IKZF2: variants seen among roughly 807,000 people sequenced by gnomAD.
IKZF2 encodes the protein zinc finger protein Helios.
A neutral mutation model predicts 49.2 loss-of-function variants in IKZF2; 15 were observed. That is an observed-to-expected ratio of 0.30 (90% CI 0.20 to 0.47). IKZF2 has a LOEUF of 0.47. IKZF2 is among the 20% of genes least tolerant of loss of function. The pLI is 1.00. For missense variants in IKZF2, 567 were observed against 664.6 expected, an observed-to-expected ratio of 0.85 and a Z score of 1.61; for synonymous variants, 227 against 221.4, an observed-to-expected ratio of 1.03 and a Z score of -0.23.
chr2:213,028,150 T>C (rs551083537), intron 6 of IKZF2, among the ~76,000 whole-genome samples: 2 of 152,200 alleles, frequency 1.3e-5, no homozygotes, highest in South Asian at 4.1e-4. Flanking sequence ...ATAGAAAATA[T>C]TATCCTTTCC....
chr2:213,065,818 TA>T (rs1265080150), intron 4 of IKZF2, among the ~76,000 whole-genome samples: 1 of 152,000 alleles, frequency 6.6e-6, no homozygotes, highest in East Asian at 1.9e-4. Flanking sequence ...AAGTAGCTAG[TA>T]ATAGTAAAGA....
At chr2:213,148,437 T>G (rs1260503442) in intron 3 of IKZF2, among the ~76,000 whole-genome samples, 159 bp downstream of exon 3, 10 of 152,190 alleles carry the variant, frequency 6.6e-5, no homozygotes, top group Admixed American at 6.5e-4. Context: ...TTCACTTCAG[T>G]GCTGTCATTT....
intron 4 of IKZF2, among the ~76,000 whole-genome samples, chr2:213,088,585 C>A (rs1275358699): frequency 6.6e-6 from 1 of 151,984 alleles, no homozygotes; most frequent in Non-Finnish European, 1.5e-5. Flanking sequence ...ATGGTGAAAC[C>A]TCCTCTCTAG....
At position 213,150,182 on chromosome 2, in the gene IKZF2, A is replaced by T; in HGVS notation, c.-54T>A. On this transcript the variant is annotated 5_prime_UTR_variant, in exon 2 of 9. It removes an upstream start codon present in the reference 5' UTR. Coordinates refer to ENST00000434687, the MANE Select transcript of IKZF2 (RefSeq NM_001387220.1). ...CTTTGATTAAAAAAGATTCATCACC[A>T]TTTCCAGCTCTGTCGGGAGATCTCA... 1 of 1,303,794 alleles carries T rather than the reference A, an allele frequency of 7.7e-7. No individual in the cohort carries two copies. Among genetic ancestry groups the T allele is most frequent in the South Asian group, 1.2e-5 (1 of 80,994 alleles). The allele number at this position is 1,303,794 out of a possible 1,614,324, so 80.8% of individuals were successfully genotyped here.
At chr2:213,150,705 G>T (rs531544760) in intron 1 of IKZF2, among the ~76,000 whole-genome samples, 11 of 138,440 alleles carry the variant, frequency 7.9e-5, no homozygotes, top group East Asian at 2.3e-4. Flanking sequence ...AAAGAAAAGG[G>T]GGGGGGGGCG....
intron 5 of IKZF2, among the ~76,000 whole-genome samples, chr2:213,053,309 A>C (rs909601873): frequency 6.6e-6 from 1 of 152,178 alleles, no homozygotes. Context: ...TAAATACAAT[A>C]GAACAATCTA....
chr2:213,042,227 T>TG (rs60714885), intron 6 of IKZF2, among the ~76,000 whole-genome samples: 151,076 of 152,270 alleles, frequency 0.99, 74,956 homozygotes, highest in Middle Eastern at 1. Flanking sequence ...CTTAGCAGGG[T>TG]GTGATGAGCA....
intron 6 of IKZF2, among the ~76,000 whole-genome samples, chr2:213,049,099 T>C (rs1700438780): frequency 6.6e-6 from 1 of 152,102 alleles, no homozygotes; most frequent in Admixed American, 6.6e-5. Flanking sequence ...TATTTTTTTC[T>C]TTTATTCCCA....
rs143337769 is a variant in IKZF2 at position 213,124,240 on chromosome 2, T to TCGCG, written c.139+23464_139+23467dup. On this transcript the variant is annotated intron_variant, in intron 4 of 8. Coordinates refer to ENST00000434687, the MANE Select transcript of IKZF2 (RefSeq NM_001387220.1). The stretch of plus-strand genomic sequence containing the variant: ...TCCTTGTGTGCACGCACACATGCGC[T>TCGCG]CGCGCGCGCGCGCACACACACACAC... Among the ~76,000 whole-genome samples the TCGCG allele has an allele frequency of 4.0e-3, 479 of 118,362 alleles. 5 individuals carry two copies. The highest frequency in any genetic ancestry group is 0.015 in the African/African-American group (445 of 29,132). The allele number at this position is 118,362 out of a possible 152,430, so 77.7% of individuals were successfully genotyped here.
intron 6 of IKZF2, among the ~76,000 whole-genome samples, chr2:213,031,567 T>C (rs1308393416): frequency 6.6e-6 from 1 of 152,218 alleles, no homozygotes; most frequent in African/African-American, 2.4e-5. Flanking sequence ...GTTGTTGGCA[T>C]CTACTTTTCT....
intron 4 of IKZF2, among the ~76,000 whole-genome samples, chr2:213,078,479 A>T (rs964689205): frequency 6.6e-6 from 1 of 152,212 alleles, no homozygotes; most frequent in African/African-American, 2.4e-5. Flanking sequence ...ATCTCAATAG[A>T]TCTTCACACT....
intron 4 of IKZF2, among the ~76,000 whole-genome samples, chr2:213,106,041 T>C (rs1185082524): frequency 6.6e-6 from 1 of 152,226 alleles, no homozygotes; most frequent in Admixed American, 6.5e-5. Flanking sequence ...ACCTAAAATA[T>C]AGTAACAAAA....
intron 6 of IKZF2, among the ~76,000 whole-genome samples, chr2:213,030,901 C>CT (rs1034422453): frequency 6.6e-6 from 1 of 151,354 alleles, no homozygotes; most frequent in Admixed American, 6.6e-5. Context: ...CCTCGGATCA[C>CT]TGCAACCTCC....
intron 4 of IKZF2, among the ~76,000 whole-genome samples, chr2:213,069,054 T>G (rs1025820): frequency 0.35 from 53,562 of 152,018 alleles, 11,842 homozygotes; most frequent in East Asian, 0.73. Context: ...ATTTCTCTTT[T>G]TCTCTACTTT....
chr2:213,085,511 G>C (rs757159433), intron 4 of IKZF2, among the ~76,000 whole-genome samples: 31 of 152,114 alleles, frequency 2.0e-4, no homozygotes, highest in Non-Finnish European at 3.7e-4. Flanking sequence ...TATTTTTAAA[G>C]TTTCATTTAT....
chr2:213,046,386 T>C (rs560039037), intron 6 of IKZF2, among the ~76,000 whole-genome samples: 10 of 152,292 alleles, frequency 6.6e-5, no homozygotes, highest in African/African-American at 2.2e-4. Flanking sequence ...TCAACCCGTA[T>C]GTATGGCCTC....
intron 8 of IKZF2, 82 bp from the exon 9 acceptor site, chr2:213,008,166 G>C: frequency 7.0e-7 from 1 of 1,419,450 alleles, no homozygotes; most frequent in Non-Finnish European, 9.3e-7. Flanking sequence ...ATATGAAAGG[G>C]TACGAAGTTG....
At chr2:213,031,064 G>A (rs1312882958) in intron 6 of IKZF2, among the ~76,000 whole-genome samples, 2 of 152,282 alleles carry the variant, frequency 1.3e-5, no homozygotes, top group South Asian at 2.1e-4. Context: ...GACCTCAAGT[G>A]ATCCGCCCGC....
chr2:213,042,484 A>G (rs2125278142), intron 6 of IKZF2, among the ~76,000 whole-genome samples: 1 of 152,338 alleles, frequency 6.6e-6, no homozygotes, highest in East Asian at 1.9e-4. Context: ...ACTAAGAGTC[A>G]GGTATGACTG....
Sources: allele counts gnomAD v4.1 joint callset (sites outside exome capture counted in the v4.1 genomes callset), GRCh38; gene constraint gnomAD v4.1.1; transcripts MANE v1.5; gene names NCBI Gene and HGNC (gene_info 2026-07-23, HGNC 2026-07-21).